Variants in TSHR observed in about 807,000 individuals in gnomAD.
The protein encoded by TSHR is thyroid stimulating hormone receptor.
Under a neutral mutation model 64.1 loss-of-function variants are expected in TSHR, and 51 were observed. That is an observed-to-expected ratio of 0.80 (90% CI 0.64 to 1.01). The LOEUF (loss-of-function observed/expected upper bound fraction) is 1.01, where lower values mean the gene tolerates loss of function less well. Among genes scored for constraint, TSHR ranks in the 50% least tolerant of loss-of-function variants. The pLI is 0.00. For synonymous variants in TSHR, 361 were observed against 361.9 expected (o/e 1.00, Z 0.03); for missense variants, 877 against 942.8 (o/e 0.93, Z 0.91).
At chr14:80,961,734 C>T (rs966407260) in intron 1 of TSHR, among the ~76,000 whole-genome samples, 9 of 151,984 alleles carry the variant, frequency 5.9e-5, no homozygotes, top group Non-Finnish European at 8.8e-5. Context: ...AAATGTAAAA[C>T]CTAGTTCTTT....
chr14:81,002,786 T>TAAAAGACTGC lies in TSHR; in HGVS notation c.170+46936_170+46937insAAAAGACTGC, dbSNP rs1566757866. ...CATTAAGGTCCCTAATGCCTCTTTT[T>TAAAAGACTGC]TTTTTTTTTTTTTTTTTTTTTATCT... On this transcript the variant is annotated intron_variant, in intron 1 of 9. Coordinates refer to ENST00000298171, the MANE Select transcript of TSHR (RefSeq NM_000369.5). Among the ~76,000 whole-genome samples, 38 of 17,894 alleles carry TAAAAGACTGC rather than the reference T, an allele frequency of 2.1e-3. 1 individual carries two copies. In the East Asian group the frequency reaches 0.3, roughly 141 times the overall value. 11.7% of individuals were successfully genotyped at this position (17,894 alleles called of 152,430 possible).
At chr14:81,035,015 A>G (rs1475943412) in intron 1 of TSHR, among the ~76,000 whole-genome samples, 2 of 140,742 alleles carry the variant, frequency 1.4e-5, no homozygotes, top group Admixed American at 6.9e-5. Context: ...CTTCGGGCCA[A>G]TTCCCAAAAA....
At chr14:80,995,178 C>T (rs1023199892) in intron 1 of TSHR, 3 of 151,878 alleles carry the variant, frequency 2.0e-5, no homozygotes, top group Non-Finnish European at 4.4e-5. Flanking sequence ...GAGGTACCAT[C>T]TCATGCCAGT....
At chr14:81,066,780 G>A (rs1208391686) in intron 2 of TSHR, among the ~76,000 whole-genome samples, 1 of 152,100 alleles carries the variant, frequency 6.6e-6, no homozygotes, top group Non-Finnish European at 1.5e-5. Flanking sequence ...GTACTTTAAA[G>A]CCCTTCAGGT....
At chr14:81,137,308 G>C (rs1056147639) in intron 8 of TSHR, among the ~76,000 whole-genome samples, 8 of 152,266 alleles carry the variant, frequency 5.3e-5, no homozygotes, top group Middle Eastern at 3.4e-3. Context: ...CCTCAATGCT[G>C]TCTCCATCAC....
intron 7 of TSHR, chr14:81,099,387 T>C (rs1889427264): frequency 6.6e-6 from 1 of 152,198 alleles, no homozygotes; most frequent in South Asian, 2.1e-4. Context: ...GGATTCATCA[T>C]GGCTGACTTA....
chr14:80,982,376 G>A, intron 1 of TSHR: 2 of 1,266,602 alleles, frequency 1.6e-6, no homozygotes, highest in Admixed American at 2.0e-5. Context: ...GAAGAGGCTG[G>A]TAATCATTCC....
chr14:80,998,781 G>T (rs1021929156), intron 1 of TSHR, among the ~76,000 whole-genome samples: 2 of 152,132 alleles, frequency 1.3e-5, no homozygotes, highest in South Asian at 4.2e-4. Flanking sequence ...AGGATAATGA[G>T]TTCTGCTTTC....
chr14:81,031,344 C>T (rs907943029), intron 1 of TSHR, among the ~76,000 whole-genome samples: 7 of 151,830 alleles, frequency 4.6e-5, no homozygotes, highest in Admixed American at 1.3e-4. Context: ...GACTGGGTAT[C>T]TTTGTTTATA....
rs111905861 is a variant in TSHR at position 81,033,972 on chromosome 14, C to T, written c.171-28176C>T. Among the ~76,000 whole-genome samples, 851 of 152,162 alleles carry T rather than the reference C, an allele frequency of 5.6e-3. 8 individuals carry two copies. The highest frequency in any genetic ancestry group is 0.031 in the Middle Eastern group (9 of 294). ...GCATATGCCTGGCAGAAACATTGTA[C>T]CAATAGTTAGTTCTCTGTGGCACAC... is the stretch of plus-strand genomic sequence containing the variant. On this transcript the variant is annotated intron_variant, in intron 1 of 9. Coordinates refer to ENST00000298171, the MANE Select transcript of TSHR (RefSeq NM_000369.5).
At chr14:81,007,660 CCTT>C (rs1889673582) in intron 1 of TSHR, among the ~76,000 whole-genome samples, 1 of 152,162 alleles carries the variant, frequency 6.6e-6, no homozygotes, top group South Asian at 2.1e-4. Flanking sequence ...ACTCTTTTCT[CCTT>C]CTTTCCATAC....
chr14:81,091,531 T>G (rs1888736420), intron 5 of TSHR, among the ~76,000 whole-genome samples: 1 of 152,222 alleles, frequency 6.6e-6, no homozygotes, highest in Non-Finnish European at 1.5e-5. Flanking sequence ...TGTGTTTTTG[T>G]TTTTAAATGG....
chr14:80,983,197 T>C (rs1282313621), intron 1 of TSHR: 21 of 1,198,410 alleles, frequency 1.8e-5, no homozygotes, highest in Middle Eastern at 2.8e-4. Context: ...CAATGCAAAA[T>C]TGAATTACAT....
At chr14:81,039,323 A>G (rs897875421) in intron 1 of TSHR, among the ~76,000 whole-genome samples, 1 of 152,054 alleles carries the variant, frequency 6.6e-6, no homozygotes, top group African/African-American at 2.4e-5. Context: ...CAAATTAGGT[A>G]TAGAAGGAAC....
At chr14:81,039,175 C>T (rs1884800813) in intron 1 of TSHR, among the ~76,000 whole-genome samples, 1 of 151,802 alleles carries the variant, frequency 6.6e-6, no homozygotes, top group Non-Finnish European at 1.5e-5. Flanking sequence ...TCACCATGAC[C>T]AACTGGGAGA....
intron 1 of TSHR, among the ~76,000 whole-genome samples, chr14:81,056,714 TCA>T (rs1885830614): frequency 1.3e-5 from 2 of 152,152 alleles, no homozygotes; most frequent in Admixed American, 1.3e-4. Context: ...GGGGTTCAGA[TCA>T]CACACAAAAA....
chr14:81,042,109 A>G (rs923294531), intron 1 of TSHR, among the ~76,000 whole-genome samples: 11 of 152,206 alleles, frequency 7.2e-5, no homozygotes, highest in Non-Finnish European at 1.2e-4. Context: ...CCTTGCCCCA[A>G]TTAGAATGGG....
At chr14:81,080,054 G>A (rs971569376) in intron 3 of TSHR, among the ~76,000 whole-genome samples, 1 of 152,104 alleles carries the variant, frequency 6.6e-6, no homozygotes, top group African/African-American at 2.4e-5. Flanking sequence ...CTGGGTTCAA[G>A]GGATTCTCCT....
chr14:81,139,727 G>A lies in TSHR; in HGVS notation c.741G>A (p.Glu247=), dbSNP rs2140102240. 6.2e-7 allele frequency: 1 copy of A among 1,614,204 alleles called. No homozygotes were observed. The highest frequency in any genetic ancestry group is 8.5e-7 in the Non-Finnish European group (1 of 1,180,044). ...SVTALPSKGL[E]HLKELIARNT... ...CTGCCCTTCCATCCAAAGGCCTGGA[G>A]CACCTGAAGGAACTGATAGCAAGAA... Residue 247 remains glutamate, a synonymous_variant, in exon 9 of 10, where the codon GAG becomes GAA. Coordinates refer to ENST00000298171, the MANE Select transcript of TSHR (RefSeq NM_000369.5).
Sources: gnomAD v4.1 joint callset for allele counts (sites outside exome capture counted in the v4.1 genomes callset) on GRCh38, gnomAD v4.1.1 for gene constraint, MANE v1.5 for transcripts, NCBI Gene and HGNC (gene_info 2026-07-23, HGNC 2026-07-21) for gene names.